The following PDE4D variants were observed in gnomAD, a reference collection of about 807,000 sequenced individuals.
PDE4D encodes 3',5'-cyclic-AMP phosphodiesterase 4D.
A neutral mutation model predicts 87.4 loss-of-function variants in PDE4D; 24 were observed. That is an observed-to-expected ratio of 0.27 (90% CI 0.20 to 0.39). The LOEUF is 0.39. Among genes scored for constraint, PDE4D ranks in the 10% least tolerant of loss-of-function variants. The pLI is 1.00. For synonymous variants in PDE4D, 384 were observed against 383.2 expected, an observed-to-expected ratio of 1.00 and a Z score of -0.02; for missense variants, 714 against 1,041.0, an observed-to-expected ratio of 0.69 and a Z score of 4.32.
intron 3 of PDE4D, among the ~76,000 whole-genome samples, chr5:59,963,015 G>C (rs979947982): frequency 2.4e-4 from 36 of 152,126 alleles, no homozygotes; most frequent in African/African-American, 8.7e-4. Flanking sequence ...AGAGGAGAAC[G>C]TGAACACAGT....
chr5:60,418,465 T>C (rs762444946), intron 1 of PDE4D, among the ~76,000 whole-genome samples: 1 of 152,154 alleles, frequency 6.6e-6, no homozygotes, highest in Non-Finnish European at 1.5e-5. Context: ...TAACTCTAAT[T>C]TATATAAATC....
chr5:60,131,194 T>C (rs900365962), intron 2 of PDE4D, among the ~76,000 whole-genome samples: 2 of 152,344 alleles, frequency 1.3e-5, no homozygotes, highest in East Asian at 1.9e-4. Flanking sequence ...AAATAAACTT[T>C]GTTTTGCTTT....
intron 1 of PDE4D, among the ~76,000 whole-genome samples, chr5:59,269,552 G>T (rs1043122355): frequency 6.6e-6 from 1 of 152,016 alleles, no homozygotes; most frequent in African/African-American, 2.4e-5. Context: ...CCGCGGTAAG[G>T]CAGCACTGCA....
At chr5:59,710,527 G>A (rs985518945) in intron 1 of PDE4D, among the ~76,000 whole-genome samples, 1 of 152,044 alleles carries the variant, frequency 6.6e-6, no homozygotes, top group Non-Finnish European at 1.5e-5. Flanking sequence ...TCTCATAACA[G>A]GGAAAATAAA....
At chr5:59,281,197 C>G (rs1188762021) in intron 1 of PDE4D, among the ~76,000 whole-genome samples, 1 of 152,112 alleles carries the variant, frequency 6.6e-6, no homozygotes, top group Admixed American at 6.6e-5. Flanking sequence ...TGGGGCAGCT[C>G]AGTTTGCTTC....
intron 1 of PDE4D, among the ~76,000 whole-genome samples, chr5:60,424,883 C>T (rs1266185125): frequency 1.3e-5 from 2 of 152,166 alleles, no homozygotes; most frequent in African/African-American, 2.4e-5. Context: ...TTCTGATATA[C>T]AAATAACAGA....
At chr5:60,111,574 A>C (rs1005086032) in intron 2 of PDE4D, among the ~76,000 whole-genome samples, 1 of 151,998 alleles carries the variant, frequency 6.6e-6, no homozygotes, top group Non-Finnish European at 1.5e-5. Flanking sequence ...ATTAAGAGCA[A>C]ATATTCTGGA....
chr5:59,811,443 C>T lies in PDE4D; in HGVS notation c.455+81725G>A, dbSNP rs77273677. 2.1e-3 allele frequency among the ~76,000 whole-genome samples: 314 copies of T among 152,326 alleles called. 1 individual carries two copies. The highest frequency in any genetic ancestry group is 7.3e-3 in the African/African-American group (305 of 41,564). ...GTCCTCAGTCGCCATTTTAATCACTCTCAAAGAATGCTCTCCCATATTAGC... is the reference window on the plus strand; with the variant it reads ...GTCCTCAGTCGCCATTTTAATCACTTTCAAAGAATGCTCTCCCATATTAGC... On this transcript the variant is annotated intron_variant, in intron 1 of 14. Transcript: ENST00000340635.
intron 2 of PDE4D, among the ~76,000 whole-genome samples, chr5:59,212,150 A>G (rs1344204094): frequency 6.6e-6 from 1 of 152,174 alleles, no homozygotes; most frequent in Non-Finnish European, 1.5e-5. Context: ...GACAGTCTTC[A>G]TAGCATTATT....
chr5:59,327,132 T>TACACACACACACACAC (rs3061651), intron 1 of PDE4D, among the ~76,000 whole-genome samples: 6 of 141,780 alleles, frequency 4.2e-5, no homozygotes, highest in Non-Finnish European at 7.6e-5. Context: ...GAAACAGAAA[T>TACACACACACACACAC]ACACACACAC....
intron 2 of PDE4D, among the ~76,000 whole-genome samples, chr5:60,095,936 G>T (rs1300856310): frequency 1.3e-5 from 2 of 151,882 alleles, no homozygotes; most frequent in Non-Finnish European, 2.9e-5. Flanking sequence ...TTTTAATGGG[G>T]TTCTTTGTTT....
At chr5:59,390,714 G>A (rs1788063744) in intron 1 of PDE4D, among the ~76,000 whole-genome samples, 1 of 152,086 alleles carries the variant, frequency 6.6e-6, no homozygotes, top group African/African-American at 2.4e-5. Context: ...GAACTTTAAG[G>A]TTTGTATGAG....
chr5:60,197,034 T>TAGAA lies in PDE4D; in HGVS notation c.-89-11348_-89-11347insTTCT, dbSNP rs1199732595. 1.3e-4 allele frequency among the ~76,000 whole-genome samples: 11 copies of TAGAA among 86,858 alleles called. No homozygotes were observed. The Middle Eastern group carries it at 0.016, about 125-fold the overall frequency. 57.0% of individuals were successfully genotyped at this position (86,858 alleles called of 152,430 possible). ...CAAGATAGGCAGATAGATAGATAGA[T>TAGAA]AGATAGATAGATAGATAGATAGATA... On this transcript the variant is annotated intron_variant, in intron 1 of 16. Transcript: ENST00000502484.
intron 1 of PDE4D, among the ~76,000 whole-genome samples, chr5:59,800,231 A>G (rs975193983): frequency 6.6e-6 from 1 of 152,068 alleles, no homozygotes; most frequent in African/African-American, 2.4e-5. Flanking sequence ...AGTTCCCACA[A>G]TGGAACATGT....
At chr5:59,951,612 T>C (rs745979564) in intron 3 of PDE4D, among the ~76,000 whole-genome samples, 4 of 152,202 alleles carry the variant, frequency 2.6e-5, no homozygotes, top group Non-Finnish European at 4.4e-5. Context: ...GTCTTTGCAA[T>C]GACATTTAGG....
chr5:60,058,339 C>G (rs1771008679), intron 2 of PDE4D, among the ~76,000 whole-genome samples: 2 of 151,772 alleles, frequency 1.3e-5, no homozygotes, highest in Non-Finnish European at 2.9e-5. Context: ...ACTTCATATG[C>G]TAAGAGATTA....
intron 1 of PDE4D, among the ~76,000 whole-genome samples, chr5:59,295,448 T>C (rs1205189346): frequency 6.6e-6 from 1 of 152,110 alleles, no homozygotes; most frequent in Non-Finnish European, 1.5e-5. Context: ...TTTGTTTTGA[T>C]AGACTTGTCC....
intron 5 of PDE4D, among the ~76,000 whole-genome samples, chr5:59,078,593 C>T (rs1766114399): frequency 6.6e-6 from 1 of 151,544 alleles, no homozygotes; most frequent in African/African-American, 2.4e-5. Flanking sequence ...ACTGTGGCCT[C>T]AGCTTCCCAA....
At chr5:59,900,443 T>A (rs1292980612) in intron 3 of PDE4D, among the ~76,000 whole-genome samples, 2 of 152,090 alleles carry the variant, frequency 1.3e-5, no homozygotes, top group East Asian at 3.9e-4. Flanking sequence ...TATTTCTTCC[T>A]GGGAGAAAAA....
Sources: allele counts gnomAD v4.1 joint callset (sites outside exome capture counted in the v4.1 genomes callset), GRCh38; gene constraint gnomAD v4.1.1; transcripts MANE v1.5; gene names NCBI Gene and HGNC (gene_info 2026-07-23, HGNC 2026-07-21).